Variants in GFOD1 observed in about 807,000 individuals in gnomAD.
GFOD1 encodes the protein glucose-fructose oxidoreductase domain-containing protein 1.
A neutral mutation model predicts 25.4 loss-of-function variants in GFOD1; 9 were observed. The ratio of observed to expected loss-of-function variants is 0.35; its 90% confidence interval spans 0.21 to 0.62. The LOEUF is 0.62. Ranked by LOEUF, GFOD1 falls within the 20% of genes least tolerant of loss-of-function variation. GFOD1 has a pLI of 0.72. For missense variants in GFOD1, 403 were observed against 556.9 expected (o/e 0.72, Z 2.78); for synonymous variants, 253 against 245.6 (o/e 1.03, Z -0.28).
chr6:13,407,145 G>A (rs546401172), intron 1 of GFOD1, among the ~76,000 whole-genome samples: 8 of 152,282 alleles, frequency 5.3e-5, no homozygotes, highest in Admixed American at 2.0e-4. Context: ...GGATGGTGGC[G>A]CCAAGACAGA....
intron 1 of GFOD1, among the ~76,000 whole-genome samples, chr6:13,464,130 A>G (rs1485603544): frequency 6.6e-6 from 1 of 152,222 alleles, no homozygotes; most frequent in East Asian, 1.9e-4. Context: ...CAAATGACTC[A>G]GATCACGAGA....
At chr6:13,436,429 C>T (rs976888774) in intron 1 of GFOD1, among the ~76,000 whole-genome samples, 4 of 152,192 alleles carry the variant, frequency 2.6e-5, no homozygotes, top group African/African-American at 9.7e-5. Context: ...ATAATTAACA[C>T]AAATGGATCA....
At chr6:13,424,080 A>G (rs1470578540) in intron 1 of GFOD1, among the ~76,000 whole-genome samples, 1 of 150,568 alleles carries the variant, frequency 6.6e-6, no homozygotes, top group Non-Finnish European at 1.5e-5. Context: ...CTGGTCTTGA[A>G]CTCCAGACCT....
chr6:13,463,371 GAAAGACAATTTAAA>G, intron 1 of GFOD1, among the ~76,000 whole-genome samples: 1 of 152,254 alleles, frequency 6.6e-6, no homozygotes, highest in Non-Finnish European at 1.5e-5. Context: ...TAATTAAAAT[GAAAGACAATTTAAA>G]ATCCAGCTCC....
chr6:13,363,044 G>A lies in GFOD1; in HGVS notation c.*1699C>T, dbSNP rs1315744341. 4 of 152,328 alleles carry A rather than the reference G, an allele frequency of 2.6e-5. No homozygotes were observed. The highest frequency in any genetic ancestry group is 3.4e-3 in the Middle Eastern group (1 of 294). The allele number at this position is 152,328 out of a possible 1,614,324, so 9.4% of individuals were successfully genotyped here. A position where few individuals can be genotyped will look rare whatever the true frequency, so the allele number is the denominator to read the frequency against. On this transcript the variant is annotated 3_prime_UTR_variant, in exon 2 of 2. Transcript: ENST00000379287. The stretch of plus-strand genomic sequence containing the variant: ...TAGACTTATGAGGAATGGCTTCCAC[G>A]TCCACACTTGACAAATGTCTTACGT...
At chr6:13,421,000 T>C (rs991109233) in intron 1 of GFOD1, among the ~76,000 whole-genome samples, 3 of 152,208 alleles carry the variant, frequency 2.0e-5, no homozygotes, top group Non-Finnish European at 4.4e-5. Flanking sequence ...ACCACCTAAA[T>C]GTCTAAAAAT....
In GFOD1 at chr6:13,365,355, G is replaced by A. The variant is rs1785021974; in HGVS notation, c.561C>T (p.Leu187=). The change falls in exon 2 of 2, where the codon CTC becomes CTT. Residue 187 remains leucine, a synonymous_variant. Transcript: ENST00000379287. The surrounding 1 kb of genome is among the most constrained non-coding windows in gnomAD (Gnocchi z 9.2). ...GTYIIDLLTF[L]TGQKAVKVHG... is the part of the protein sequence containing the mutation. Reference sequence around the variant, plus strand: ...GGACCTTGACGGCCTTTTGGCCGGTGAGGAAGGTGAGCAGGTCGATGATGT... The same window carrying A: ...GGACCTTGACGGCCTTTTGGCCGGTAAGGAAGGTGAGCAGGTCGATGATGT... 2.5e-6 allele frequency: 4 copies of A among 1,614,224 alleles called. No individual in the cohort carries two copies. The highest frequency in any genetic ancestry group is 3.4e-6 in the Non-Finnish European group (4 of 1,180,034).
intron 1 of GFOD1, among the ~76,000 whole-genome samples, chr6:13,435,650 C>T (rs1232891965): frequency 3.3e-5 from 5 of 152,160 alleles, no homozygotes; most frequent in Non-Finnish European, 7.3e-5. Context: ...TGCATGCCTT[C>T]CCCGGAAGCT....
rs188118684 is a variant in GFOD1 at position 13,412,218 on chromosome 6, C to T, written c.254-46556G>A. On this transcript the variant is annotated intron_variant, in intron 1 of 1. Coordinates refer to ENST00000379287, the MANE Select transcript of GFOD1 (RefSeq NM_018988.4). ...CAGAATGTGACTATATTTGGAGACA[C>T]GTTCTTTATGGAGGTAATTAGGTTA... Among the ~76,000 whole-genome samples the T allele has an allele frequency of 1.3e-4, 20 of 152,268 alleles. 1 individual carries two copies. Among genetic ancestry groups the T allele is most frequent in the East Asian group, 1.2e-3 (6 of 5,190 alleles).
chr6:13,376,533 G>C (rs1785260795), intron 1 of GFOD1, among the ~76,000 whole-genome samples: 1 of 152,166 alleles, frequency 6.6e-6, no homozygotes, highest in African/African-American at 2.4e-5. Context: ...CCAATTTCTG[G>C]AGTGGAAGAG....
intron 1 of GFOD1, among the ~76,000 whole-genome samples, chr6:13,462,976 C>T (rs1477022551): frequency 2.0e-5 from 3 of 152,166 alleles, no homozygotes; most frequent in Non-Finnish European, 4.4e-5. Flanking sequence ...AGCAAGTCAG[C>T]GAAGATGGGC....
chr6:13,453,117 A>G, intron 1 of GFOD1, among the ~76,000 whole-genome samples: 1 of 152,256 alleles, frequency 6.6e-6, no homozygotes, highest in East Asian at 1.9e-4. Context: ...CTATCAAAGA[A>G]AGAATTCAAT....
chr6:13,403,401 C>G (rs893787519), intron 1 of GFOD1, among the ~76,000 whole-genome samples: 1 of 152,194 alleles, frequency 6.6e-6, no homozygotes. Flanking sequence ...GCTAGGATTA[C>G]AGGCGTGAGC....
In GFOD1 at chr6:13,442,007, T is replaced by A. The variant is rs531754433; in HGVS notation, c.253+44631A>T. ...CACACTCACTCAGATGGGGACTGTGTAGACACGCCAATTCTCCTAATAACA... is the reference window on the plus strand; with the variant it reads ...CACACTCACTCAGATGGGGACTGTGAAGACACGCCAATTCTCCTAATAACA... On this transcript the variant is annotated intron_variant, in intron 1 of 1. Coordinates refer to ENST00000379287, the MANE Select transcript of GFOD1 (RefSeq NM_018988.4). Among the ~76,000 whole-genome samples the A allele has an allele frequency of 8.5e-5, 13 of 152,202 alleles. No homozygotes were observed. The East Asian group carries it at 2.5e-3, about 29-fold the overall frequency.
At chr6:13,428,612 G>A (rs975318735) in intron 1 of GFOD1, among the ~76,000 whole-genome samples, 4 of 152,140 alleles carry the variant, frequency 2.6e-5, no homozygotes, top group Non-Finnish European at 4.4e-5. Context: ...TTTAAATCAC[G>A]AAGCCTGGGG....
chr6:13,393,368 C>CAAAAAAAAAAAAAAAA (rs70989853), intron 1 of GFOD1, among the ~76,000 whole-genome samples: 1 of 72,490 alleles, frequency 1.4e-5, no homozygotes, highest in Non-Finnish European at 2.5e-5. Flanking sequence ...AAACAACCAC[C>CAAAAAAAAAAAAAAAA]AAAAAAAAAA....
chr6:13,370,001 GA>G (rs200189432), intron 1 of GFOD1, among the ~76,000 whole-genome samples: 5 of 150,400 alleles, frequency 3.3e-5, no homozygotes, highest in East Asian at 1.9e-4. Flanking sequence ...TTTATGGTCA[GA>G]AAAAAAAAGC....
rs111421940 is a variant in GFOD1 at position 13,452,085 on chromosome 6, A to G, written c.253+34553T>C. 4.0e-4 allele frequency among the ~76,000 whole-genome samples: 61 copies of G among 152,230 alleles called. 1 individual carries two copies. The highest frequency in any genetic ancestry group is 1.1e-3 in the African/African-American group (47 of 41,532). Reference sequence around the variant, plus strand: ...GAGATGCTCAGGTGGGAGGCAAAGGAAGAAAACTCCTGGGTTCCCTGTGTC... The same window carrying G: ...GAGATGCTCAGGTGGGAGGCAAAGGGAGAAAACTCCTGGGTTCCCTGTGTC... On this transcript the variant is annotated intron_variant, in intron 1 of 1. Transcript: ENST00000379287.
intron 1 of GFOD1, among the ~76,000 whole-genome samples, chr6:13,370,493 A>G (rs1785129045): frequency 6.6e-6 from 1 of 152,062 alleles, no homozygotes. Flanking sequence ...ATTGCTAAGC[A>G]AAGTTTGTTT....
Sources: allele counts gnomAD v4.1 joint callset (sites outside exome capture counted in the v4.1 genomes callset), GRCh38; gene constraint gnomAD v4.1.1; non-coding constraint Gnocchi (gnomAD v3.1); transcripts MANE v1.5; gene names NCBI Gene and HGNC (gene_info 2026-07-23, HGNC 2026-07-21).